Variants in MGAT5 observed in about 807,000 individuals in gnomAD.
MGAT5 encodes alpha-1,6-mannosylglycoprotein 6-beta-N-acetylglucosaminyltransferase A.
MGAT5 carries 30 observed loss-of-function variants against 94.3 expected under a neutral mutation model. That is an observed-to-expected ratio of 0.32 (90% CI 0.24 to 0.43). The LOEUF (loss-of-function observed/expected upper bound fraction) is 0.43. Among genes scored for constraint, MGAT5 ranks in the 20% least tolerant of loss-of-function variants. The probability of loss-of-function intolerance (pLI) is 1.00; values close to 1 mark genes in which losing one functional copy is unlikely to be tolerated. For synonymous variants in MGAT5, 310 were observed against 322.9 expected, an observed-to-expected ratio of 0.96 and a Z score of 0.43; for missense variants, 691 against 905.5, an observed-to-expected ratio of 0.76 and a Z score of 3.04.
chr2:134,416,548 T>C (rs1171094569), intron 12 of MGAT5, among the ~76,000 whole-genome samples: 1 of 151,494 alleles, frequency 6.6e-6, no homozygotes, highest in Non-Finnish European at 1.5e-5. Flanking sequence ...CATGGCTCAC[T>C]GCAGTCTCAA....
chr2:134,124,587 T>C (rs1685757097), intron 1 of MGAT5, among the ~76,000 whole-genome samples: 1 of 152,332 alleles, frequency 6.6e-6, no homozygotes, highest in East Asian at 1.9e-4. Flanking sequence ...CTTTGTCACC[T>C]TCACTGCCAG....
chr2:134,218,066 C>T (rs1214842530), intron 1 of MGAT5, among the ~76,000 whole-genome samples: 1 of 152,220 alleles, frequency 6.6e-6, no homozygotes, highest in East Asian at 1.9e-4. Flanking sequence ...TGGTCCTACT[C>T]TTCCACTTTC....
rs941238716 is a variant in MGAT5, at chr2:134,254,110, C to T, written c.-294C>T. The T allele has an allele frequency of 3.6e-6, 2 of 553,388 alleles. No homozygotes were observed. Among genetic ancestry groups the T allele is most frequent in the Non-Finnish European group, 6.3e-6 (2 of 315,456 alleles). 34.3% of individuals were successfully genotyped at this position (553,388 alleles called of 1,614,324 possible). On this transcript the variant is annotated 5_prime_UTR_variant, in exon 1 of 16. Transcript: ENST00000281923. ...TTCTTGTTGCCTAGCCAGATTTCCC[C>T]TCAGCTTACAGTTCCTGAATCATAA...
At chr2:134,245,283 A>G (rs1359416930) in intron 1 of MGAT5, among the ~76,000 whole-genome samples, 3 of 152,232 alleles carry the variant, frequency 2.0e-5, no homozygotes, top group Non-Finnish European at 4.4e-5. Flanking sequence ...AGTGCGGATT[A>G]CAGGCGTGAG....
intron 1 of MGAT5, among the ~76,000 whole-genome samples, chr2:134,125,029 C>T (rs949920796): frequency 7.2e-5 from 11 of 152,108 alleles, no homozygotes; most frequent in Middle Eastern, 6.8e-3. Context: ...TGGGTCTTTT[C>T]CATGTCTGGG....
At chr2:134,196,014 G>C (rs1679479679) in intron 1 of MGAT5, among the ~76,000 whole-genome samples, 1 of 152,126 alleles carries the variant, frequency 6.6e-6, no homozygotes, top group African/African-American at 2.4e-5. Context: ...TAAAAAGTCA[G>C]GATGATCCTC....
intron 1 of MGAT5, among the ~76,000 whole-genome samples, chr2:134,255,106 A>C (rs1682854825): frequency 6.6e-6 from 1 of 152,192 alleles, no homozygotes; most frequent in Non-Finnish European, 1.5e-5. Flanking sequence ...CAGCCAATAA[A>C]TATGACACTG....
At chr2:134,249,364 C>T (rs1311854345), upstream of MGAT5, among the ~76,000 whole-genome samples, 1 of 151,750 alleles carries the variant, frequency 6.6e-6, no homozygotes, top group African/African-American at 2.4e-5. Context: ...TTTTTGTTAC[C>T]CCCTAGAAAA....
intron 13 of MGAT5, among the ~76,000 whole-genome samples, chr2:134,424,925 T>G (rs1160481464): frequency 1.3e-5 from 2 of 152,228 alleles, no homozygotes; most frequent in African/African-American, 4.8e-5. Context: ...CCCACCCTAA[T>G]TCAGTGTGAC....
intron 1 of MGAT5, among the ~76,000 whole-genome samples, chr2:134,192,123 C>T (rs1679253152): frequency 6.7e-6 from 1 of 150,024 alleles, no homozygotes; most frequent in Non-Finnish European, 1.5e-5. Context: ...CGAGCGGGTT[C>T]CTGATGGAAG....
At chr2:134,186,187 A>G (rs946584730) in intron 1 of MGAT5, among the ~76,000 whole-genome samples, 1 of 152,234 alleles carries the variant, frequency 6.6e-6, no homozygotes, top group African/African-American at 2.4e-5. Flanking sequence ...GGAAGGGTCC[A>G]GTTAAAGCCC....
chr2:134,410,629 G>A (rs1256715539), intron 11 of MGAT5, among the ~76,000 whole-genome samples: 1 of 152,216 alleles, frequency 6.6e-6, no homozygotes, highest in Non-Finnish European at 1.5e-5. Flanking sequence ...AGTCCATTAA[G>A]CAACAGCCTC....
intron 10 of MGAT5, among the ~76,000 whole-genome samples, chr2:134,394,555 G>A (rs1558853973): frequency 6.6e-6 from 1 of 152,060 alleles, no homozygotes. Flanking sequence ...CCCCCTTCTT[G>A]TTACCAAGAA....
intron 10 of MGAT5, among the ~76,000 whole-genome samples, chr2:134,389,224 A>C (rs1270328563): frequency 6.6e-6 from 1 of 152,220 alleles, no homozygotes; most frequent in Non-Finnish European, 1.5e-5. Flanking sequence ...TGCTAGTGAT[A>C]GTCTAATTAA....
intron 5 of MGAT5, among the ~76,000 whole-genome samples, chr2:134,336,661 G>A (rs181995128): frequency 2.2e-4 from 34 of 152,262 alleles, no homozygotes; most frequent in Admixed American, 1.0e-3. Context: ...AAGGTTCAGG[G>A]TAGATTGAAT....
chr2:134,218,928 A>C (rs917627954), intron 1 of MGAT5, among the ~76,000 whole-genome samples: 26 of 152,164 alleles, frequency 1.7e-4, no homozygotes, highest in Admixed American at 4.6e-4. Flanking sequence ...ATTCTTTACT[A>C]ATTAAAACTT....
intron 9 of MGAT5, among the ~76,000 whole-genome samples, chr2:134,358,447 A>C (rs1679888019): frequency 6.6e-6 from 1 of 152,232 alleles, no homozygotes; most frequent in Non-Finnish European, 1.5e-5. Flanking sequence ...GAAAAGGAAA[A>C]GCGTGTTTAT....
intron 2 of MGAT5, among the ~76,000 whole-genome samples, chr2:134,295,027 C>T (rs1008080718): frequency 6.6e-6 from 1 of 152,180 alleles, no homozygotes; most frequent in African/African-American, 2.4e-5. Context: ...CGTGGCAAAA[C>T]TGCTGGCAAG....
intron 14 of MGAT5, among the ~76,000 whole-genome samples, chr2:134,437,020 G>A (rs1415776258): frequency 2.0e-5 from 3 of 152,242 alleles, no homozygotes; most frequent in East Asian, 3.9e-4. Context: ...ACAGAGTCTC[G>A]CTCTGTCGCC....
Sources: gnomAD v4.1 joint callset for allele counts (sites outside exome capture counted in the v4.1 genomes callset) on GRCh38, gnomAD v4.1.1 for gene constraint, MANE v1.5 for transcripts, NCBI Gene and HGNC (gene_info 2026-07-23, HGNC 2026-07-21) for gene names.